RIT2: variants seen among roughly 807,000 people sequenced by gnomAD.
RIT2 encodes the protein GTP-binding protein Rit2.
In RIT2, 24 loss-of-function variants were observed where a neutral mutation model predicts 23.7. That is an observed-to-expected ratio of 1.01 (90% confidence interval 0.73 to 1.43). The LOEUF is 1.43. Among genes scored for constraint, RIT2 ranks in the 40% most tolerant of loss-of-function variants. The pLI, the probability that RIT2 is intolerant of heterozygous loss-of-function variation, is 0.00. For missense variants in RIT2, 236 were observed against 266.9 expected, an observed-to-expected ratio of 0.88 and a Z score of 0.81; for synonymous variants, 107 against 91.1, an observed-to-expected ratio of 1.17 and a Z score of -0.99.
chr18:43,005,030 C>T (rs1911195427), intron 2 of RIT2, among the ~76,000 whole-genome samples: 1 of 151,562 alleles, frequency 6.6e-6, no homozygotes, highest in Non-Finnish European at 1.5e-5. Flanking sequence ...AGCTATGGGC[C>T]CTTTAAACAA....
chr18:42,806,248 C>T (rs2143968800), intron 4 of RIT2, among the ~76,000 whole-genome samples: 1 of 151,764 alleles, frequency 6.6e-6, no homozygotes, highest in East Asian at 1.9e-4. Flanking sequence ...ACAGGAGGAA[C>T]ACTTGAGGTC....
At chr18:43,026,424 C>T (rs968344713) in intron 2 of RIT2, among the ~76,000 whole-genome samples, 6 of 151,610 alleles carry the variant, frequency 4.0e-5, no homozygotes, top group Admixed American at 1.3e-4. Context: ...TGTGGTGGTG[C>T]GTGCCTGTAG....
intron 1 of RIT2, among the ~76,000 whole-genome samples, chr18:43,046,972 AG>A (rs1416306966): frequency 6.6e-6 from 1 of 152,170 alleles, no homozygotes. Flanking sequence ...CAGATCAAAA[AG>A]TTTGAGTGCC....
chr18:43,070,409 C>G (rs1003218415), intron 1 of RIT2, among the ~76,000 whole-genome samples: 4 of 152,222 alleles, frequency 2.6e-5, no homozygotes, highest in African/African-American at 9.6e-5. Flanking sequence ...TAATGGCAAG[C>G]TATAATGGAG....
chr18:42,849,189 C>A lies in RIT2; in HGVS notation c.426+74383G>T, dbSNP rs181359506. 9.1e-4 allele frequency among the ~76,000 whole-genome samples: 139 copies of A among 152,274 alleles called. 2 individuals carry two copies. Among genetic ancestry groups the A allele is most frequent in the African/African-American group, 3.2e-3 (133 of 41,562 alleles). On this transcript the variant is annotated intron_variant, in intron 4 of 4. Transcript: ENST00000326695. Reference sequence around the variant, plus strand: ...GGGCCCACACCTGAGTGCCTAACTACTCTATATACTGCCTTTGAATATGAT... The same window carrying A: ...GGGCCCACACCTGAGTGCCTAACTAATCTATATACTGCCTTTGAATATGAT...
chr18:42,770,680 T>C (rs1296946484), intron 4 of RIT2, among the ~76,000 whole-genome samples: 2 of 152,168 alleles, frequency 1.3e-5, no homozygotes, highest in African/African-American at 4.8e-5. Context: ...TTAAATTTTC[T>C]ACTTTTGCAT....
intron 4 of RIT2, among the ~76,000 whole-genome samples, chr18:42,794,685 C>T (rs1047541576): frequency 1.3e-5 from 2 of 151,928 alleles, no homozygotes; most frequent in Non-Finnish European, 2.9e-5. Flanking sequence ...TTTTTAAAAC[C>T]CTCAGAGCTA....
intron 1 of RIT2, among the ~76,000 whole-genome samples, chr18:43,081,637 T>C (rs1013607322): frequency 1.3e-5 from 2 of 152,136 alleles, no homozygotes; most frequent in African/African-American, 2.4e-5. Flanking sequence ...AGAGGCTGAG[T>C]TCCTCCTAGA....
At chr18:43,001,904 C>T (rs993720433) in intron 2 of RIT2, among the ~76,000 whole-genome samples, 1 of 151,810 alleles carries the variant, frequency 6.6e-6, no homozygotes, top group Non-Finnish European at 1.5e-5. Flanking sequence ...TGTGTGCATG[C>T]CATAAGAATG....
intron 4 of RIT2, among the ~76,000 whole-genome samples, chr18:42,750,349 A>G (rs1913017439): frequency 1.3e-5 from 2 of 151,818 alleles, no homozygotes; most frequent in Non-Finnish European, 1.5e-5. Context: ...ATAATCTTCC[A>G]TTATTAACCA....
At chr18:43,028,767 T>C (rs1911789093) in intron 2 of RIT2, among the ~76,000 whole-genome samples, 1 of 151,946 alleles carries the variant, frequency 6.6e-6, no homozygotes, top group South Asian at 2.1e-4. Context: ...TATGCAAATA[T>C]ATAAATGACT....
chr18:43,097,528 T>G (rs150682976), intron 1 of RIT2, among the ~76,000 whole-genome samples: 1 of 151,942 alleles, frequency 6.6e-6, no homozygotes, highest in East Asian at 1.9e-4. Context: ...AGAAAGCTAT[T>G]GGAAAAGAGT....
At chr18:42,786,416 C>A (rs1913923521) in intron 4 of RIT2, among the ~76,000 whole-genome samples, 1 of 152,158 alleles carries the variant, frequency 6.6e-6, no homozygotes, top group African/African-American at 2.4e-5. Context: ...TTTTACATCA[C>A]TACCATTATG....
chr18:42,897,645 G>C (rs1908366535), intron 4 of RIT2, among the ~76,000 whole-genome samples: 1 of 151,102 alleles, frequency 6.6e-6, no homozygotes. Flanking sequence ...TGTAGTTAGG[G>C]AAAAAAAATG....
chr18:42,809,866 AATAT>A (rs1022600905), intron 4 of RIT2, among the ~76,000 whole-genome samples: 2 of 127,210 alleles, frequency 1.6e-5, no homozygotes, highest in African/African-American at 8.3e-5. Flanking sequence ...TATTATATAT[AATAT>A]ATATAATTTG....
chr18:43,055,282 T>A (rs1458968806), intron 1 of RIT2, among the ~76,000 whole-genome samples: 1 of 152,036 alleles, frequency 6.6e-6, no homozygotes, highest in African/African-American at 2.4e-5. Context: ...CTCTCAGCGC[T>A]CCCCATGGGG....
intron 2 of RIT2, among the ~76,000 whole-genome samples, chr18:43,003,254 CT>C (rs5824464): frequency 0.71 from 107,792 of 151,826 alleles, 40,645 homozygotes; most frequent in South Asian, 0.86. Flanking sequence ...CCAAGCACAA[CT>C]TTTTTTTCTG....
At chr18:42,799,403 AAAT>A (rs1310006554) in intron 4 of RIT2, among the ~76,000 whole-genome samples, 3 of 152,172 alleles carry the variant, frequency 2.0e-5, no homozygotes, top group African/African-American at 7.2e-5. Flanking sequence ...ATGCCCAAAT[AAAT>A]AACTCTAAAA....
chr18:42,939,589 G>T (rs537063499), intron 3 of RIT2, among the ~76,000 whole-genome samples: 1 of 151,944 alleles, frequency 6.6e-6, no homozygotes, highest in South Asian at 2.1e-4. Context: ...GCTTAATCTG[G>T]TATTACTACT....
Sources: allele counts gnomAD v4.1 joint callset (sites outside exome capture counted in the v4.1 genomes callset), GRCh38; gene constraint gnomAD v4.1.1; transcripts MANE v1.5; gene names NCBI Gene and HGNC (gene_info 2026-07-23, HGNC 2026-07-21).